Variants in MMP20 observed in about 807,000 individuals in gnomAD.
MMP20 encodes the protein matrix metalloproteinase-20.
A neutral mutation model predicts 51.8 loss-of-function variants in MMP20; 50 were observed. The ratio of observed to expected loss-of-function variants is 0.97; its 90% CI spans 0.77 to 1.22. The LOEUF is 1.22. Among genes scored for constraint, MMP20 ranks in the 50% most tolerant of loss-of-function variants. The probability of loss-of-function intolerance (pLI) is 0.00; values close to 1 mark genes in which losing one functional copy is unlikely to be tolerated. For missense variants in MMP20, 663 were observed against 601.4 expected, an observed-to-expected ratio of 1.10 and a Z score of -1.07; for synonymous variants, 244 against 216.2, an observed-to-expected ratio of 1.13 and a Z score of -1.13.
intron 6 of MMP20, among the ~76,000 whole-genome samples, chr11:102,598,604 A>G (rs1859410563): frequency 6.6e-6 from 1 of 152,230 alleles, no homozygotes; most frequent in Non-Finnish European, 1.5e-5. Flanking sequence ...ACCAAAGAAC[A>G]GTAACTAACT....
intron 3 of MMP20, among the ~76,000 whole-genome samples, 195 bp from the exon 4 acceptor site, chr11:102,610,225 C>T (rs1209481222): frequency 6.6e-6 from 1 of 152,144 alleles, no homozygotes; most frequent in African/African-American, 2.4e-5. Flanking sequence ...CTAATTCATA[C>T]TGCAAAGATA....
intron 1 of MMP20, 152 bp from the exon 2 acceptor site, chr11:102,617,211 A>G: frequency 2.2e-6 from 2 of 913,462 alleles, no homozygotes; most frequent in South Asian, 3.0e-5. Flanking sequence ...TGTTTACATA[A>G]AGCTTAGCTA....
At chr11:102,619,733 A>G (rs1164514592) in intron 1 of MMP20, among the ~76,000 whole-genome samples, 1 of 152,142 alleles carries the variant, frequency 6.6e-6, no homozygotes, top group South Asian at 2.1e-4. Context: ...TTAAACCTTA[A>G]TAATGGATTT....
At chr11:102,619,646 T>C (rs971501048) in intron 1 of MMP20, among the ~76,000 whole-genome samples, 5 of 152,244 alleles carry the variant, frequency 3.3e-5, no homozygotes, top group African/African-American at 1.2e-4. Flanking sequence ...ATTCCTGCTT[T>C]GGTTGTCTCA....
intron 6 of MMP20, among the ~76,000 whole-genome samples, chr11:102,597,178 C>A (rs1305000893): frequency 6.6e-6 from 1 of 152,210 alleles, no homozygotes; most frequent in African/African-American, 2.4e-5. Context: ...AGACTTCCAG[C>A]TGCTTTCTCT....
At chr11:102,617,909 G>A (rs929100819) in intron 1 of MMP20, among the ~76,000 whole-genome samples, 1 of 152,144 alleles carries the variant, frequency 6.6e-6, no homozygotes, top group African/African-American at 2.4e-5. Context: ...AATAACCAAA[G>A]AGCAGCTAAG....
chr11:102,622,333 C>T (rs1006504294), intron 1 of MMP20, among the ~76,000 whole-genome samples: 15 of 152,124 alleles, frequency 9.9e-5, no homozygotes, highest in Non-Finnish European at 1.9e-4. Context: ...CCCAGGCCAC[C>T]AGGCACCAGA....
chr11:102,593,660 G>T, intron 7 of MMP20, 65 bp from the exon 8 acceptor site: 2 of 1,563,936 alleles, frequency 1.3e-6, no homozygotes, highest in East Asian at 2.2e-5. Flanking sequence ...CTCTCATAAA[G>T]ATTTCTATGA....
intron 6 of MMP20, among the ~76,000 whole-genome samples, chr11:102,597,426 T>C (rs774592369): frequency 2.0e-5 from 3 of 152,214 alleles, no homozygotes; most frequent in Non-Finnish European, 2.9e-5. Flanking sequence ...GAAATATTGA[T>C]GTAGGATATC....
chr11:102,603,174 G>A (rs1859470274), intron 6 of MMP20, among the ~76,000 whole-genome samples: 2 of 152,220 alleles, frequency 1.3e-5, no homozygotes, highest in African/African-American at 2.4e-5. Context: ...AGCTTGAAAT[G>A]TCCCATCAAC....
At chr11:102,611,694 A>G (rs1364852987) in intron 3 of MMP20, 61 bp downstream of exon 3, 2 of 1,586,876 alleles carry the variant, frequency 1.3e-6, no homozygotes, top group Non-Finnish European at 8.6e-7. Flanking sequence ...AAGATGTAGA[A>G]GGAACAGTAT....
intron 8 of MMP20, 31 bp from the exon 9 acceptor site, chr11:102,579,173 T>G (rs1370883456): frequency 1.3e-6 from 2 of 1,490,546 alleles, no homozygotes; most frequent in Admixed American, 3.4e-5. Context: ...TAAATAATAT[T>G]ACTAAGAGGT....
intron 9 of MMP20, 113 bp downstream of exon 9, chr11:102,578,926 A>G: frequency 2.6e-6 from 2 of 778,482 alleles, no homozygotes; most frequent in Non-Finnish European, 4.6e-6. Context: ...ACCTAAGACC[A>G]AATATAAAAA....
At chr11:102,621,150 C>T (rs1167596435) in intron 1 of MMP20, among the ~76,000 whole-genome samples, 4 of 152,206 alleles carry the variant, frequency 2.6e-5, no homozygotes, top group African/African-American at 7.2e-5. Context: ...GGTGAGAGGA[C>T]TCCTGTACAA....
rs565516767 is a variant in MMP20, at chr11:102,599,759, C to T, written c.954-5002G>A. ...CCATTCATTCTATGGGACTCATTAA[C>T]CAGGGCTGCTTAGTTCATGATGAGT... is the stretch of plus-strand genomic sequence containing the variant. On this transcript the variant is annotated intron_variant, in intron 6 of 9. Coordinates refer to ENST00000260228, the MANE Select transcript of MMP20 (RefSeq NM_004771.4). Among the ~76,000 whole-genome samples, 359 of 152,290 alleles carry T rather than the reference C, an allele frequency of 2.4e-3. 4 individuals are homozygous for T. Among genetic ancestry groups the T allele is most frequent in the African/African-American group, 8.1e-3 (337 of 41,550 alleles).
chr11:102,606,742 G>A (rs1158565542), intron 5 of MMP20, 66 bp from the exon 6 acceptor site: 1 of 1,575,558 alleles, frequency 6.3e-7, no homozygotes, highest in East Asian at 2.2e-5. Flanking sequence ...TTCTGCTCTA[G>A]AGCCCCAGGG....
intron 3 of MMP20, 37 bp from the exon 4 acceptor site, chr11:102,610,067 C>T: frequency 6.2e-7 from 1 of 1,612,644 alleles, no homozygotes; most frequent in South Asian, 1.1e-5. Flanking sequence ...AAGATTGAGT[C>T]CTTCTAGAAA....
At position 102,589,797 on chromosome 11, in the gene MMP20, A is replaced by G. The variant is rs377188350; in HGVS notation, c.1247+3642T>C. The stretch of plus-strand genomic sequence containing the variant: ...GTAGTTTAGTCATAAGTTTTTTAAA[A>G]TTTAAAACATGAAAAAACAAGATTT... On this transcript the variant is annotated intron_variant, in intron 8 of 9. Coordinates refer to ENST00000260228, the MANE Select transcript of MMP20 (RefSeq NM_004771.4). Among the ~76,000 whole-genome samples the G allele has an allele frequency of 3.3e-5, 5 of 152,338 alleles. No individual in the cohort carries two copies. In the East Asian group the frequency reaches 9.6e-4, roughly 29 times the overall value.
chr11:102,593,985 A>G (rs1174973392), intron 7 of MMP20, among the ~76,000 whole-genome samples: 1 of 152,230 alleles, frequency 6.6e-6, no homozygotes, highest in Non-Finnish European at 1.5e-5. Context: ...ATCCCTCAGT[A>G]TCAAGAACAT....
Sources: gnomAD v4.1 joint callset for allele counts (sites outside exome capture counted in the v4.1 genomes callset) on GRCh38, gnomAD v4.1.1 for gene constraint, MANE v1.5 for transcripts, NCBI Gene and HGNC (gene_info 2026-07-23, HGNC 2026-07-21) for gene names.